Variants in NUP85 observed in about 807,000 individuals in gnomAD.
NUP85 encodes the protein nuclear pore complex protein Nup85.
Under a neutral mutation model 92.8 loss-of-function variants are expected in NUP85, and 23 were observed. That is an observed-to-expected ratio of 0.25 (90% confidence interval 0.18 to 0.35). The LOEUF (loss-of-function observed/expected upper bound fraction) is 0.35. NUP85 is among the 10% of genes least tolerant of loss of function. The pLI is 1.00. For missense variants in NUP85, 759 were observed against 822.8 expected, an observed-to-expected ratio of 0.92 and a Z score of 0.95; for synonymous variants, 314 against 306.9, an observed-to-expected ratio of 1.02 and a Z score of -0.24.
chr17:75,212,618 G>GT (rs2075311872), intron 4 of NUP85, among the ~76,000 whole-genome samples: 1 of 151,862 alleles, frequency 6.6e-6, no homozygotes, highest in South Asian at 2.1e-4. Flanking sequence ...GACTGCAGGT[G>GT]TGTACTACCA....
Position 75,231,259 on chromosome 17 carries a change from G to A in NUP85, c.1095-81G>A, listed in dbSNP as rs1333749106. On this transcript the variant is annotated intron_variant, in intron 11 of 18. Coordinates refer to ENST00000245544, the MANE Select transcript of NUP85 (RefSeq NM_024844.5). The surrounding 1 kb of genome is among the most constrained non-coding windows in gnomAD (Gnocchi z 4.6). The stretch of plus-strand genomic sequence containing the variant: ...ATCTCTTTGAGGGACAGGACATGTG[G>A]GGTTTCTTGCTCACCCCCACTCTTG... 1 of 1,298,620 alleles carries A rather than the reference G, an allele frequency of 7.7e-7. No individual in the cohort carries two copies. The highest frequency in any genetic ancestry group is 1.5e-5 in the African/African-American group (1 of 68,734). 80.4% of individuals were successfully genotyped at this position (1,298,620 alleles called of 1,614,324 possible).
intron 7 of NUP85, among the ~76,000 whole-genome samples, chr17:75,223,373 A>C (rs2075653902): frequency 6.6e-6 from 1 of 151,822 alleles, no homozygotes; most frequent in East Asian, 1.9e-4. Flanking sequence ...ATTTGCATTG[A>C]GTGTATATTT....
At chr17:75,232,588 T>C (rs757187368) in intron 14 of NUP85, among the ~76,000 whole-genome samples, 3 of 152,070 alleles carry the variant, frequency 2.0e-5, no homozygotes, top group Non-Finnish European at 2.9e-5. Flanking sequence ...AGAGCTGACA[T>C]GTAGGGAGCA....
At chr17:75,232,707 C>G (rs1017207845) in intron 14 of NUP85, 144 bp from the exon 15 acceptor site, 1 of 751,854 alleles carries the variant, frequency 1.3e-6, no homozygotes, top group South Asian at 1.5e-5. Flanking sequence ...GAGTTTCCAG[C>G]TCTGCCGATC....
intron 11 of NUP85, among the ~76,000 whole-genome samples, chr17:75,230,781 G>A (rs1220515971): frequency 6.6e-6 from 1 of 152,144 alleles, no homozygotes; most frequent in Non-Finnish European, 1.5e-5. Context: ...CTAGCTGGGT[G>A]TGGTAGCGCA....
intron 18 of NUP85, 23 bp downstream of exon 18, chr17:75,235,224 T>C: frequency 6.4e-7 from 1 of 1,567,634 alleles, no homozygotes; most frequent in South Asian, 1.1e-5. Flanking sequence ...TTTGGGTTGA[T>C]GGTTCCACAT....
rs1392232229 is a variant in NUP85 at position 75,205,727 on chromosome 17, T to A, written c.-35T>A. On this transcript the variant is annotated 5_prime_UTR_variant, in exon 1 of 19. Transcript: ENST00000245544. ...GAGGCCTGAGCGGGAAGCATTGGCG[T>A]CCGAGCGACTTCTAGGAGCCTGGGG... 3.7e-6 allele frequency: 6 copies of A among 1,613,904 alleles called. No homozygotes were observed. The highest frequency in any genetic ancestry group is 5.1e-6 in the Non-Finnish European group (6 of 1,179,938).
chr17:75,235,256 C>G, intron 18 of NUP85, 55 bp downstream of exon 18: 4 of 1,285,344 alleles, frequency 3.1e-6, no homozygotes, highest in Admixed American at 1.9e-5. Context: ...AAGGCTCCCT[C>G]TATCTCAGGC....
intron 7 of NUP85, among the ~76,000 whole-genome samples, chr17:75,222,217 G>GT: frequency 6.6e-6 from 1 of 152,170 alleles, no homozygotes; most frequent in East Asian, 1.9e-4. Flanking sequence ...ACTAATTTTT[G>GT]TATTTGTAGT....
In NUP85 at chr17:75,231,024, C is replaced by T; in HGVS notation, c.1095-316C>T. On this transcript the variant is annotated intron_variant, in intron 11 of 18. Coordinates refer to ENST00000245544, the MANE Select transcript of NUP85 (RefSeq NM_024844.5). This position sits in a 1 kb window ranked among gnomAD's most constrained non-coding sequence, Gnocchi z 4.6. ...TCGGCCGATTGCAGCCTCTGCTTCCCAGGCTCAAGCAATACTCCCACCCCA... is the reference window on the plus strand; with the variant it reads ...TCGGCCGATTGCAGCCTCTGCTTCCTAGGCTCAAGCAATACTCCCACCCCA... 4 of 304,694 alleles carry T rather than the reference C, an allele frequency of 1.3e-5. No individual in the cohort carries two copies. In the South Asian group the frequency reaches 1.3e-4, roughly 10 times the overall value. 18.9% of individuals were successfully genotyped at this position (304,694 alleles called of 1,614,324 possible).
chr17:75,215,467 C>T (rs1374322708), intron 5 of NUP85, among the ~76,000 whole-genome samples: 1 of 152,226 alleles, frequency 6.6e-6, no homozygotes, highest in African/African-American at 2.4e-5. Flanking sequence ...GCCTTGGCCT[C>T]CCAAAGTGCT....
At chr17:75,222,664 C>T (rs2075631424) in intron 7 of NUP85, among the ~76,000 whole-genome samples, 1 of 151,870 alleles carries the variant, frequency 6.6e-6, no homozygotes, top group Admixed American at 6.6e-5. Flanking sequence ...TTCAACCAAT[C>T]AATATATAAC....
In NUP85 at chr17:75,227,750, G is replaced by A. The variant is rs151113517; in HGVS notation, c.1094+1593G>A. Among the ~76,000 whole-genome samples the A allele has an allele frequency of 5.8e-3, 887 of 152,076 alleles. 15 individuals are homozygous for A. The highest frequency in any genetic ancestry group is 0.021 in the African/African-American group (856 of 41,496). ...CCTCCTGGGTTCAAGTGATCCTCTT[G>A]CCTCAGCCTTCCAGGTAGCTAGGAC... On this transcript the variant is annotated intron_variant, in intron 11 of 18. Coordinates refer to ENST00000245544, the MANE Select transcript of NUP85 (RefSeq NM_024844.5).
At chr17:75,234,489 T>A (rs2076245075) in intron 16 of NUP85, 148 bp from the exon 17 acceptor site, 1 of 746,148 alleles carries the variant, frequency 1.3e-6, no homozygotes, top group African/African-American at 1.7e-5. Context: ...GACCTATGAG[T>A]TTGGAGACAG....
chr17:75,228,323 G>T, intron 11 of NUP85: 3 of 985,390 alleles, frequency 3.0e-6, no homozygotes, highest in Non-Finnish European at 3.6e-6. Flanking sequence ...GAATGATTAG[G>T]CTTGCAGTCC....
In NUP85 at chr17:75,213,020, A is replaced by T. The variant is rs536499581; in HGVS notation, c.362-56A>T. On this transcript the variant is annotated intron_variant, in intron 4 of 18. Transcript: ENST00000245544. The stretch of plus-strand genomic sequence containing the variant: ...GCCATAGACCCTGGAATATTCAGCT[A>T]TGACAATAAGCCTAAGAGTTCCATT... 3.3e-6 allele frequency: 5 copies of T among 1,523,188 alleles called. No homozygotes were observed. In the South Asian group the frequency reaches 5.8e-5, roughly 18 times the overall value. The allele number at this position is 1,523,188 out of a possible 1,614,324, so 94.4% of individuals were successfully genotyped here. A position where few individuals can be genotyped will look rare whatever the true frequency, so the allele number is the denominator to read the frequency against.
At chr17:75,232,085 C>T in intron 14 of NUP85, 106 bp downstream of exon 14, 1 of 1,231,894 alleles carries the variant, frequency 8.1e-7, no homozygotes, top group Admixed American at 2.2e-5. Context: ...TCACGAGCCA[C>T]ACTGGAGACG....
chr17:75,223,151 CT>C (rs1488243716), intron 7 of NUP85, among the ~76,000 whole-genome samples: 2 of 151,718 alleles, frequency 1.3e-5, no homozygotes, highest in Non-Finnish European at 2.9e-5. Context: ...CACTTCAGTA[CT>C]ACACGTGGGG....
chr17:75,211,947 C>T (rs1326401112), intron 3 of NUP85, 45 bp from the exon 4 acceptor site: 1 of 1,464,744 alleles, frequency 6.8e-7, no homozygotes, highest in Admixed American at 1.8e-5. Flanking sequence ...TGTGGCACTA[C>T]AAGATGTTCC....
Sources: gnomAD v4.1 joint callset for allele counts (sites outside exome capture counted in the v4.1 genomes callset) on GRCh38, gnomAD v4.1.1 for gene constraint, Gnocchi (gnomAD v3.1) non-coding constraint, MANE v1.5 for transcripts, NCBI Gene and HGNC (gene_info 2026-07-23, HGNC 2026-07-21) for gene names.